EPHA6: variants seen among roughly 807,000 people sequenced by gnomAD.
The protein encoded by EPHA6 is EPH receptor A6, also known as ephrin type-A receptor 6.
Under a neutral mutation model 112.0 loss-of-function variants are expected in EPHA6, and 50 were observed. That is an observed-to-expected ratio of 0.45 (90% CI 0.36 to 0.56). EPHA6 has a LOEUF of 0.56. EPHA6 is among the 20% of genes least tolerant of loss of function. The probability of loss-of-function intolerance (pLI) is 0.00; values close to 1 mark genes in which losing one functional copy is unlikely to be tolerated. For synonymous variants in EPHA6, 529 were observed against 490.7 expected (o/e 1.08, Z -1.03); for missense variants, 1,280 against 1,417.4 (o/e 0.90, Z 1.56).
intron 2 of EPHA6, among the ~76,000 whole-genome samples, chr3:96,937,433 C>T (rs555701487): frequency 1.2e-4 from 18 of 147,110 alleles, no homozygotes; most frequent in South Asian, 2.1e-4. Context: ...TCATATCCTT[C>T]GCCCACTTTT....
At chr3:97,039,279 A>T (rs564153686) in intron 3 of EPHA6, among the ~76,000 whole-genome samples, 1 of 152,202 alleles carries the variant, frequency 6.6e-6, no homozygotes, top group South Asian at 2.1e-4. Context: ...TAGTGTAGGA[A>T]GTATGAAGGG....
chr3:97,716,574 CAAAAAAAAAAAA>C (rs1218426459), intron 14 of EPHA6, among the ~76,000 whole-genome samples: 1 of 37,272 alleles, frequency 2.7e-5, no homozygotes, highest in African/African-American at 1.7e-4. Flanking sequence ...GACTCCGTCT[CAAAAAAAAAAAA>C]AAAAAAAAAA....
chr3:96,836,983 C>T (rs555353990), intron 1 of EPHA6, among the ~76,000 whole-genome samples: 1 of 152,204 alleles, frequency 6.6e-6, no homozygotes, highest in African/African-American at 2.4e-5. Flanking sequence ...GATTAAGTAA[C>T]TTACCCGAAA....
At chr3:97,075,048 G>A (rs1245686570) in intron 3 of EPHA6, among the ~76,000 whole-genome samples, 4 of 151,808 alleles carry the variant, frequency 2.6e-5, no homozygotes, top group South Asian at 2.1e-4. Context: ...TGATTTTCTG[G>A]TACTTTTTTT....
At chr3:97,406,676 T>C (rs541502446) in intron 6 of EPHA6, among the ~76,000 whole-genome samples, 16 of 152,328 alleles carry the variant, frequency 1.1e-4, no homozygotes, top group African/African-American at 3.8e-4. Context: ...GTATCCATTT[T>C]TTGTTGCTCT....
intron 6 of EPHA6, among the ~76,000 whole-genome samples, chr3:97,437,023 A>T (rs4857058): frequency 0.015 from 2,272 of 152,090 alleles, 131 homozygotes; most frequent in Admixed American, 0.11. Flanking sequence ...AACTTTCTTA[A>T]ACATTATGAG....
rs537045822 is a variant in EPHA6, at chr3:97,405,216, A to G, written c.1673A>G (p.Gln558Arg). The G allele has an allele frequency of 1.9e-6, 3 of 1,610,190 alleles. No homozygotes were observed. The highest frequency in any genetic ancestry group is 1.1e-5 in the South Asian group (1 of 90,304). The change falls in exon 6 of 18, where the codon CAA (glutamine) becomes CGA (arginine). Residue 558 changes from glutamine (Q) to arginine (R), a missense_variant. Physicochemically the swap from Gln to Arg is conservative, Grantham distance 43. Transcript: ENST00000389672. ...CAAAATAGCATTGCCCTATCATGGC[A>G]AGCACCTGCTTTTTCCAATGGAGCC... ...ASQNSIALSW[Q>R]APAFSNGAIL...
intron 2 of EPHA6, among the ~76,000 whole-genome samples, chr3:96,878,025 A>G (rs188921241): frequency 1.3e-5 from 2 of 151,612 alleles, no homozygotes; most frequent in Non-Finnish European, 1.5e-5. Flanking sequence ...GTTTGATTTA[A>G]TAATGTGATT....
rs1162684585 is a variant in EPHA6, at chr3:97,329,876, ACATGAAGTCCTAGCC to A, written c.1607-75269_1607-75255del. ...GTTGCCATTGCTTTTGGTGTTTTAG[ACATGAAGTCCTAGCC>A]CATGCCTATGTCCTGAATGGTATTG... On this transcript the variant is annotated intron_variant, in intron 5 of 17. Transcript: ENST00000389672. 7.2e-5 allele frequency among the ~76,000 whole-genome samples: 11 copies of A among 152,018 alleles called. No homozygotes were observed. In the East Asian group the frequency reaches 1.9e-3, roughly 27 times the overall value.
intron 3 of EPHA6, among the ~76,000 whole-genome samples, chr3:97,012,868 CAT>C (rs2044140515): frequency 6.6e-6 from 1 of 151,976 alleles, no homozygotes; most frequent in South Asian, 2.1e-4. Context: ...GAACACTTTT[CAT>C]ATGTTTCTTG....
intron 3 of EPHA6, among the ~76,000 whole-genome samples, chr3:97,190,693 A>G (rs2077278025): frequency 6.6e-6 from 1 of 152,122 alleles, no homozygotes; most frequent in Admixed American, 6.6e-5. Context: ...TAATTAATAT[A>G]TCCATTATCT....
intron 7 of EPHA6, among the ~76,000 whole-genome samples, chr3:97,459,437 C>T (rs1188501394): frequency 6.6e-6 from 1 of 152,168 alleles, no homozygotes; most frequent in African/African-American, 2.4e-5. Context: ...CCTCAAATAG[C>T]ACAACACTGG....
At chr3:97,405,641 A>G (rs1246767192) in intron 6 of EPHA6, among the ~76,000 whole-genome samples, 1 of 152,106 alleles carries the variant, frequency 6.6e-6, no homozygotes, top group Non-Finnish European at 1.5e-5. Flanking sequence ...AATTACTATA[A>G]CCTGAAGTGG....
At chr3:97,508,149 G>T (rs2092293339) in intron 10 of EPHA6, among the ~76,000 whole-genome samples, 1 of 151,544 alleles carries the variant, frequency 6.6e-6, no homozygotes, top group Non-Finnish European at 1.5e-5. Context: ...AGTATTTTTT[G>T]TGTCTCTATC....
chr3:96,931,226 A>G (rs1280725873), intron 2 of EPHA6, among the ~76,000 whole-genome samples: 1 of 152,140 alleles, frequency 6.6e-6, no homozygotes, highest in Non-Finnish European at 1.5e-5. Context: ...TCTGAGTCCC[A>G]GCTGAAGCCC....
At chr3:97,669,476 T>C (rs2030554753) in intron 14 of EPHA6, among the ~76,000 whole-genome samples, 1 of 151,872 alleles carries the variant, frequency 6.6e-6, no homozygotes, top group East Asian at 1.9e-4. Flanking sequence ...TTTTTAAAAA[T>C]GCAGACCATG....
intron 16 of EPHA6, among the ~76,000 whole-genome samples, chr3:97,739,353 G>A (rs1447075874): frequency 6.6e-6 from 1 of 151,990 alleles, no homozygotes; most frequent in Non-Finnish European, 1.5e-5. Context: ...GGTCCCCATG[G>A]TTTTTATTCC....
chr3:97,060,299 A>T (rs890188146), intron 3 of EPHA6, among the ~76,000 whole-genome samples: 1 of 152,240 alleles, frequency 6.6e-6, no homozygotes, highest in Non-Finnish European at 1.5e-5. Context: ...AGAGAGTAAC[A>T]TTTGAATTAA....
intron 11 of EPHA6, among the ~76,000 whole-genome samples, chr3:97,584,888 A>T (rs945745916): frequency 6.6e-6 from 1 of 152,250 alleles, no homozygotes; most frequent in Non-Finnish European, 1.5e-5. Flanking sequence ...TTTTCAAATG[A>T]GAAAACTGAA....
Sources: allele counts gnomAD v4.1 joint callset (sites outside exome capture counted in the v4.1 genomes callset), GRCh38; gene constraint gnomAD v4.1.1; transcripts MANE v1.5; gene names NCBI Gene and HGNC (gene_info 2026-07-23, HGNC 2026-07-21).